SLC17A6: variants seen among roughly 807,000 people sequenced by gnomAD.
SLC17A6 encodes vesicular glutamate transporter 2.
Under a neutral mutation model 67.1 loss-of-function variants are expected in SLC17A6, and 35 were observed. The observed-to-expected ratio is 0.52, with a 90% CI of 0.40 to 0.69. The LOEUF is 0.69. SLC17A6 is among the 30% of genes least tolerant of loss of function. The pLI is 0.00. For missense variants in SLC17A6, 588 were observed against 723.9 expected, an observed-to-expected ratio of 0.81 and a Z score of 2.15; for synonymous variants, 285 against 252.3, an observed-to-expected ratio of 1.13 and a Z score of -1.23.
intron 8 of SLC17A6, among the ~76,000 whole-genome samples, chr11:22,372,687 A>C (rs929491252): frequency 6.6e-6 from 1 of 152,142 alleles, no homozygotes; most frequent in Non-Finnish European, 1.5e-5. Flanking sequence ...AAGAAGGATG[A>C]GGCAAAAATC....
chr11:22,341,507 C>T (rs1255911436), intron 1 of SLC17A6, 21 bp from the exon 2 acceptor site: 1 of 1,606,700 alleles, frequency 6.2e-7, no homozygotes, highest in African/African-American at 1.3e-5. Flanking sequence ...GTCCTTGACT[C>T]GCCCCTGCTC....
intron 2 of SLC17A6, among the ~76,000 whole-genome samples, chr11:22,342,748 G>T (rs549101476): frequency 3.9e-4 from 59 of 152,242 alleles, no homozygotes; most frequent in African/African-American, 1.4e-3. Flanking sequence ...GTGGGGACAC[G>T]CTTTCTCTTA....
intron 3 of SLC17A6, among the ~76,000 whole-genome samples, chr11:22,345,814 C>T (rs1333167181): frequency 6.6e-6 from 1 of 151,876 alleles, no homozygotes; most frequent in East Asian, 1.9e-4. Context: ...CAATATTGCA[C>T]ATTAGTAAGA....
At chr11:22,346,641 T>C (rs1383907882) in intron 3 of SLC17A6, among the ~76,000 whole-genome samples, 1 of 143,098 alleles carries the variant, frequency 7.0e-6, no homozygotes, top group Non-Finnish European at 1.6e-5. Flanking sequence ...ATTAATATGG[T>C]AATAAAAAAA....
At chr11:22,373,824 A>G (rs887858816) in intron 8 of SLC17A6, among the ~76,000 whole-genome samples, 4 of 152,148 alleles carry the variant, frequency 2.6e-5, no homozygotes, top group African/African-American at 4.8e-5. Flanking sequence ...TTACAACTCA[A>G]ATCCATGATT....
chr11:22,365,553 T>C lies in SLC17A6; in HGVS notation c.755T>C (p.Phe252Ser). The change falls in exon 7 of 12, where the codon TTT becomes TCT. Residue 252 changes from phenylalanine to serine, a missense_variant. Physicochemically the swap from Phe to Ser is radical, Grantham distance 155. Transcript: ENST00000263160. Reference protein sequence around the residue: ...WSSVFYVYGSFGMVWYMFWLL... With the variant: ...WSSVFYVYGSSGMVWYMFWLL... ...TCTGAACTGTTGCTTGCAGGAAGCTTTGGAATGGTCTGGTACATGTTTTGG... is the reference window on the plus strand; with the variant it reads ...TCTGAACTGTTGCTTGCAGGAAGCTCTGGAATGGTCTGGTACATGTTTTGG... The C allele has an allele frequency of 6.2e-7, 1 of 1,613,926 alleles. No homozygotes were observed. Among genetic ancestry groups the C allele is most frequent in the South Asian group, 1.1e-5 (1 of 91,080 alleles).
Position 22,377,737 on chromosome 11 carries a change from A to G in SLC17A6, c.1746A>G (p.Ser582=), listed in dbSNP as rs1367927212. The part of the protein sequence containing the change: ...SHSYKDRVDY[S] Reference sequence around the variant, plus strand: ...GCTATAAGGACCGAGTTGATTATTCATAACAAAACTAATTACTGGATTTAT... The same window carrying G: ...GCTATAAGGACCGAGTTGATTATTCGTAACAAAACTAATTACTGGATTTAT... Residue 582 remains serine (S), a synonymous_variant, in exon 12 of 12, where the codon TCA becomes TCG. Transcript: ENST00000263160. 1.9e-6 allele frequency: 3 copies of G among 1,545,434 alleles called. No homozygotes were observed. The highest frequency in any genetic ancestry group is 2.6e-6 in the Non-Finnish European group (3 of 1,146,710).
chr11:22,350,736 C>A lies in SLC17A6; in HGVS notation c.458+7371C>A, dbSNP rs560753582. Among the ~76,000 whole-genome samples, 958 of 152,204 alleles carry A rather than the reference C, an allele frequency of 6.3e-3. 14 individuals carry two copies. Among genetic ancestry groups the A allele is most frequent in the African/African-American group, 0.021 (881 of 41,550 alleles). ...CACCAGAAGTGGGTTTTAAATCTAA[C>A]ACCTTAGGTGCCAATTATAAGGAGA... On this transcript the variant is annotated intron_variant, in intron 3 of 11. Coordinates refer to ENST00000263160, the MANE Select transcript of SLC17A6 (RefSeq NM_020346.3).
intron 3 of SLC17A6, among the ~76,000 whole-genome samples, chr11:22,353,895 G>T (rs1855969998): frequency 6.6e-6 from 1 of 152,050 alleles, no homozygotes; most frequent in African/African-American, 2.4e-5. Flanking sequence ...CTAAACCAAT[G>T]ATTCCCAAAG....
At chr11:22,363,789 T>C (rs186812150) in intron 6 of SLC17A6, among the ~76,000 whole-genome samples, 466 of 152,222 alleles carry the variant, frequency 3.1e-3, no homozygotes, top group South Asian at 8.1e-3. Context: ...ATTTTTTTTT[T>C]CTTAGGGAGA....
chr11:22,372,895 T>C (rs1379106694), intron 8 of SLC17A6, among the ~76,000 whole-genome samples: 1 of 152,154 alleles, frequency 6.6e-6, no homozygotes, highest in African/African-American at 2.4e-5. Context: ...GACCACTGAA[T>C]AGCTCAAAAA....
chr11:22,370,624 A>T (rs1856164944), intron 8 of SLC17A6, among the ~76,000 whole-genome samples: 1 of 152,196 alleles, frequency 6.6e-6, no homozygotes, highest in Admixed American at 6.5e-5. Context: ...GCTACAAGAT[A>T]TGAGGATTGT....
At position 22,360,912 on chromosome 11, in the gene SLC17A6, G is replaced by T; in HGVS notation, c.589G>T (p.Ala197Ser). 6.2e-7 allele frequency: 1 copy of T among 1,613,944 alleles called. No homozygotes were observed. Among genetic ancestry groups the T allele is most frequent in the Non-Finnish European group, 8.5e-7 (1 of 1,179,858 alleles). Residue 197 changes from alanine to serine, a missense_variant, in exon 5 of 12, where the codon GCA becomes TCA. Ala to Ser is a moderately conservative substitution (Grantham distance 99, BLOSUM62 1). Around this residue, in one of 4 missense-constraint regions of SLC17A6, gnomAD observed 414 missense variants for 563.4 expected, o/e 0.73. Coordinates refer to ENST00000263160, the MANE Select transcript of SLC17A6 (RefSeq NM_020346.3). ...QGLVEGVTYP[A>S]CHGIWSKWAP... ...CCCATCACAGGGTGTGACCTACCCA[G>T]CATGTCATGGGATATGGAGCAAATG...
intron 8 of SLC17A6, among the ~76,000 whole-genome samples, chr11:22,370,552 T>C (rs1856163887): frequency 6.6e-6 from 1 of 152,148 alleles, no homozygotes; most frequent in Non-Finnish European, 1.5e-5. Context: ...TCCATTCAAA[T>C]AGAATTCTAC....
At chr11:22,343,085 A>C (rs915185791) in intron 2 of SLC17A6, 162 bp from the exon 3 acceptor site, 3 of 714,294 alleles carry the variant, frequency 4.2e-6, no homozygotes. Context: ...TTTTCGTTGC[A>C]AGAGGCAATT....
chr11:22,351,434 T>C (rs1855937239), intron 3 of SLC17A6, among the ~76,000 whole-genome samples: 1 of 152,130 alleles, frequency 6.6e-6, no homozygotes, highest in African/African-American at 2.4e-5. Context: ...GTGCCTATAA[T>C]TTCTATGTTT....
Position 22,374,851 on chromosome 11 carries a change from T to G in SLC17A6, c.1138T>G (p.Ser380Ala). 1.2e-6 allele frequency: 2 copies of G among 1,613,746 alleles called. No homozygotes were observed. Among genetic ancestry groups the G allele is most frequent in the South Asian group, 2.2e-5 (2 of 91,038 alleles). The change falls in exon 9 of 12, where the codon TCA becomes GCA. Residue 380 changes from serine to alanine, a missense_variant. This residue lies in a region of SLC17A6 where 414 missense variants were observed against 563.4 expected (regional missense o/e 0.73). Coordinates refer to ENST00000263160, the MANE Select transcript of SLC17A6 (RefSeq NM_020346.3). ...TTTTCTAAGAAGCAAGCAGATTCTT[T>G]CAACTACGACAGTGAGAAAGATCAT... Reference protein sequence around the residue: ...ADFLRSKQILSTTTVRKIMNC... With the variant: ...ADFLRSKQILATTTVRKIMNC...
At chr11:22,368,198 TATC>T (rs904920758) in intron 7 of SLC17A6, among the ~76,000 whole-genome samples, 2 of 152,066 alleles carry the variant, frequency 1.3e-5, no homozygotes, top group African/African-American at 2.4e-5. Flanking sequence ...AACAATTCTG[TATC>T]ATCATTTAAC....
intron 3 of SLC17A6, among the ~76,000 whole-genome samples, chr11:22,357,156 C>T (rs1011981480): frequency 2.0e-5 from 3 of 152,138 alleles, no homozygotes; most frequent in East Asian, 1.9e-4. Flanking sequence ...AGCACCTGAA[C>T]TAGTGATTTT....
Sources: gnomAD v4.1 joint callset for allele counts (sites outside exome capture counted in the v4.1 genomes callset) on GRCh38, gnomAD v4.1.1 for gene constraint, gnomAD v4.1.1 regional missense constraint, MANE v1.5 for transcripts, NCBI Gene and HGNC (gene_info 2026-07-23, HGNC 2026-07-21) for gene names.